AKR1E2: variants seen among roughly 807,000 people sequenced by gnomAD.
AKR1E2 encodes 1,5-anhydro-D-fructose reductase.
In AKR1E2, 43 loss-of-function variants were observed where a neutral mutation model predicts 41.9. The ratio of observed to expected loss-of-function variants is 1.03; its 90% CI spans 0.80 to 1.32. AKR1E2 has a LOEUF of 1.32. Among genes scored for constraint, AKR1E2 ranks in the 40% most tolerant of loss-of-function variants. AKR1E2 has a pLI of 0.00. For missense variants in AKR1E2, 423 were observed against 396.5 expected (o/e 1.07, Z -0.57); for synonymous variants, 121 against 138.9 (o/e 0.87, Z 0.91).
the AKR1E2 span, among the ~76,000 whole-genome samples, chr10:4,853,205 T>C: frequency 6.6e-6 from 1 of 152,326 alleles, no homozygotes; most frequent in African/African-American, 2.4e-5. Flanking sequence ...CGTTGTTTTA[T>C]ATGTTTGCAA....
chr10:4,861,351 A>G, the AKR1E2 span, among the ~76,000 whole-genome samples: 1 of 152,078 alleles, frequency 6.6e-6, no homozygotes, highest in Non-Finnish European at 1.5e-5. Context: ...AGGGGAGTAA[A>G]AATGTGCAAT....
downstream of AKR1E2, among the ~76,000 whole-genome samples, chr10:4,848,598 G>A (rs929128476): frequency 6.6e-6 from 1 of 152,152 alleles, no homozygotes; most frequent in African/African-American, 2.4e-5. Context: ...GTCTCTTCCC[G>A]CTTCTTGTGT....
the AKR1E2 span, among the ~76,000 whole-genome samples, chr10:4,866,639 G>GTTTTTTTTTTTTT: frequency 6.5e-5 from 7 of 107,822 alleles, 1 homozygote; most frequent in Non-Finnish European, 1.4e-4. Context: ...TTTTGTTTTT[G>GTTTTTTTTTTTTT]TTTTTGTTTT....
At chr10:4,835,209 C>T (rs1277762778) in intron 3 of AKR1E2, among the ~76,000 whole-genome samples, 1 of 152,190 alleles carries the variant, frequency 6.6e-6, no homozygotes, top group Admixed American at 6.5e-5. Context: ...TATCTCTCTG[C>T]CCTCTACCTC....
chr10:4,871,917 A>C, the AKR1E2 span: 1 of 152,084 alleles, frequency 6.6e-6, no homozygotes, highest in Non-Finnish European at 1.5e-5. Context: ...CAAGAAATGG[A>C]TAATCTGGGT....
chr10:4,834,383 T>G (rs1021999298), intron 3 of AKR1E2, among the ~76,000 whole-genome samples: 4 of 152,232 alleles, frequency 2.6e-5, no homozygotes, highest in Non-Finnish European at 5.9e-5. Flanking sequence ...CAGCTGTCCG[T>G]TAGTGACACT....
chr10:4,869,647 A>G, the AKR1E2 span, among the ~76,000 whole-genome samples: 3 of 151,826 alleles, frequency 2.0e-5, no homozygotes, highest in South Asian at 6.2e-4. Flanking sequence ...TTTTTCTATA[A>G]ACCCTCCTCT....
intron 2 of AKR1E2, 140 bp from the exon 3 acceptor site, chr10:4,833,210 T>C: frequency 1.4e-6 from 1 of 711,386 alleles, no homozygotes; most frequent in Middle Eastern, 3.9e-4. Context: ...TGTCCTCCCA[T>C]CAGAACTTGC....
the AKR1E2 span, among the ~76,000 whole-genome samples, chr10:4,859,022 C>T: frequency 6.6e-6 from 1 of 151,970 alleles, no homozygotes; most frequent in African/African-American, 2.4e-5. Flanking sequence ...CGAGGTTTCA[C>T]CATGTTGGCC....
chr10:4,852,739 G>T (rs923600401), downstream of AKR1E2, among the ~76,000 whole-genome samples: 3 of 152,166 alleles, frequency 2.0e-5, no homozygotes, highest in Non-Finnish European at 4.4e-5. Flanking sequence ...ATTTTATTTT[G>T]TTGTTTTTGT....
chr10:4,828,407 G>A (rs1832713253), intron 1 of AKR1E2, among the ~76,000 whole-genome samples: 1 of 152,338 alleles, frequency 6.6e-6, no homozygotes, highest in African/African-American at 2.4e-5. Context: ...GATCGGTGCT[G>A]TCTTAATTAC....
intron 4 of AKR1E2, among the ~76,000 whole-genome samples, chr10:4,836,424 TCTCAGGCTTGGG>T (rs1381860584): frequency 6.6e-6 from 1 of 152,210 alleles, no homozygotes; most frequent in South Asian, 2.1e-4. Flanking sequence ...CTGGGGTGGG[TCTCAGGCTTGGG>T]CTCCAGCATG....
chr10:4,867,748 A>G, the AKR1E2 span, among the ~76,000 whole-genome samples: 1 of 152,234 alleles, frequency 6.6e-6, no homozygotes, highest in Non-Finnish European at 1.5e-5. Flanking sequence ...TAGCAGTGAT[A>G]AGAACAGCGT....
chr10:4,868,400 C>T, the AKR1E2 span, among the ~76,000 whole-genome samples: 11 of 152,142 alleles, frequency 7.2e-5, no homozygotes, highest in Non-Finnish European at 1.3e-4. Context: ...GTTTCTTCAT[C>T]GCTTTGGTCT....
At chr10:4,864,382 C>G in the AKR1E2 span, among the ~76,000 whole-genome samples, 42 of 152,116 alleles carry the variant, frequency 2.8e-4, no homozygotes, top group Non-Finnish European at 5.3e-4. Flanking sequence ...TCAATAGATG[C>G]AGAAAAGGCC....
At chr10:4,829,630 CTATT>C (rs1171181854) in intron 1 of AKR1E2, among the ~76,000 whole-genome samples, 1 of 151,934 alleles carries the variant, frequency 6.6e-6, no homozygotes, top group African/African-American at 2.4e-5. Flanking sequence ...AATTATGTAA[CTATT>C]CAAGCTTTAT....
In AKR1E2 at chr10:4,847,770, G is replaced by A; in HGVS notation, c.*240G>A. The A allele has an allele frequency of 2.0e-6, 1 of 511,704 alleles. No homozygotes were observed. The highest frequency in any genetic ancestry group is 3.4e-6 in the Non-Finnish European group (1 of 290,970). The allele number at this position is 511,704 out of a possible 1,614,324, so 31.7% of individuals were successfully genotyped here. On this transcript the variant is annotated 3_prime_UTR_variant, in exon 10 of 10. Coordinates refer to ENST00000298375, the MANE Select transcript of AKR1E2 (RefSeq NM_001040177.3). The stretch of plus-strand genomic sequence containing the variant: ...GGCCTCTACTCTGAACAAATACACT[G>A]ATGAGTCATCAGTGAAATTTGCCTT...
intron 6 of AKR1E2, among the ~76,000 whole-genome samples, chr10:4,841,457 T>C (rs1833866792): frequency 6.7e-6 from 1 of 148,974 alleles, no homozygotes; most frequent in Admixed American, 6.7e-5. Context: ...AGCTGAGAAG[T>C]CAGAGAGCCC....
chr10:4,869,012 C>A, the AKR1E2 span, among the ~76,000 whole-genome samples: 1 of 151,650 alleles, frequency 6.6e-6, no homozygotes, highest in Non-Finnish European at 1.5e-5. Context: ...TCTTCCTTTC[C>A]GTTTTTGTCT....
Sources: gnomAD v4.1 joint callset for allele counts (sites outside exome capture counted in the v4.1 genomes callset) on GRCh38, gnomAD v4.1.1 for gene constraint, MANE v1.5 for transcripts, NCBI Gene and HGNC (gene_info 2026-07-23, HGNC 2026-07-21) for gene names.